Variants in NKAIN2 observed in about 807,000 individuals in gnomAD.
The protein encoded by NKAIN2 is sodium/potassium-transporting ATPase subunit beta-1-interacting protein 2.
A neutral mutation model predicts 32.6 loss-of-function variants in NKAIN2; 14 were observed. That is an observed-to-expected ratio of 0.43 (90% CI 0.28 to 0.67). NKAIN2 has a LOEUF of 0.67. Among genes scored for constraint, NKAIN2 ranks in the 30% least tolerant of loss-of-function variants. The pLI is 0.17. For missense variants in NKAIN2, 198 were observed against 258.3 expected (o/e 0.77, Z 1.60); for synonymous variants, 80 against 87.2 (o/e 0.92, Z 0.46).
chr6:123,915,415 A>T (rs1000578971), intron 1 of NKAIN2, among the ~76,000 whole-genome samples: 2 of 151,338 alleles, frequency 1.3e-5, no homozygotes, highest in Non-Finnish European at 1.5e-5. Context: ...TTACCACCCA[A>T]CTCCCTTTCT....
intron 4 of NKAIN2, among the ~76,000 whole-genome samples, chr6:124,687,075 G>A (rs1362693464): frequency 2.6e-5 from 4 of 151,560 alleles, no homozygotes; most frequent in Non-Finnish European, 5.9e-5. Context: ...CCTCAAGCAT[G>A]CAGACAGCCT....
At chr6:124,173,939 A>G (rs2114512928) in intron 1 of NKAIN2, among the ~76,000 whole-genome samples, 1 of 152,238 alleles carries the variant, frequency 6.6e-6, no homozygotes, top group African/African-American at 2.4e-5. Context: ...TGGAAAATAA[A>G]GGATTAAAAT....
At chr6:123,814,442 A>C (rs1257868776) in intron 1 of NKAIN2, among the ~76,000 whole-genome samples, 1 of 152,216 alleles carries the variant, frequency 6.6e-6, no homozygotes, top group African/African-American at 2.4e-5. Context: ...AAATCAGGCA[A>C]ATAGGGTAAG....
At position 124,791,398 on chromosome 6, in the gene NKAIN2, C is replaced by A; in HGVS notation, c.534C>A (p.Ser178Arg). The change falls in exon 5 of 7, where the codon AGC becomes AGA. Residue 178 changes from serine (S) to arginine (R), a missense_variant and splice_region_variant. Ser to Arg is a moderately radical substitution (Grantham distance 110). Transcript: ENST00000368417. ...AATGTATAACTGAAGAAGAGGACAG[C>A]TGTAAGTATTAAAGCTCTATTCTGT... ...VVKCITEEED[S>R]FDFIGGFDSY... 1 of 1,599,004 alleles carries A rather than the reference C, an allele frequency of 6.3e-7. No individual in the cohort carries two copies. The highest frequency in any genetic ancestry group is 8.6e-7 in the Non-Finnish European group (1 of 1,167,546).
At chr6:124,805,499 C>T (rs1780502944) in intron 5 of NKAIN2, among the ~76,000 whole-genome samples, 1 of 152,088 alleles carries the variant, frequency 6.6e-6, no homozygotes, top group Non-Finnish European at 1.5e-5. Flanking sequence ...TGTACATCAC[C>T]ATCATCAAAG....
At chr6:124,662,171 T>C (rs1784769884) in intron 4 of NKAIN2, among the ~76,000 whole-genome samples, 2 of 152,214 alleles carry the variant, frequency 1.3e-5, no homozygotes, top group African/African-American at 2.4e-5. Context: ...TGATTAGCTA[T>C]GTCTGCCACA....
At chr6:123,920,888 G>A (rs1484406438) in intron 1 of NKAIN2, among the ~76,000 whole-genome samples, 2 of 152,238 alleles carry the variant, frequency 1.3e-5, no homozygotes, top group Non-Finnish European at 2.9e-5. Flanking sequence ...ACAAGAATAC[G>A]TGCATACAGA....
At chr6:123,890,245 A>T (rs189347145) in intron 1 of NKAIN2, among the ~76,000 whole-genome samples, 1 of 151,756 alleles carries the variant, frequency 6.6e-6, no homozygotes, top group East Asian at 2.0e-4. Flanking sequence ...CTTCCCTGTC[A>T]TCTTTGGAGT....
At position 123,964,660 on chromosome 6, in the gene NKAIN2, G is replaced by A. The variant is rs570094679; in HGVS notation, c.54+160406G>A. ...TAAGAGAAAATGTCAAACGGTTTTG[G>A]AGTGTTGCCCAGCCACTTTCCTGTA... is the stretch of plus-strand genomic sequence containing the variant. On this transcript the variant is annotated intron_variant, in intron 1 of 6. Coordinates refer to ENST00000368417, the MANE Select transcript of NKAIN2 (RefSeq NM_001040214.3). The surrounding 1 kb of genome is among the most constrained non-coding windows in gnomAD (Gnocchi z 4.0). Among the ~76,000 whole-genome samples, 1 of 152,246 alleles carries A rather than the reference G, an allele frequency of 6.6e-6. No individual in the cohort carries two copies. Among genetic ancestry groups the A allele is most frequent in the Admixed American group, 6.5e-5 (1 of 15,274 alleles).
At chr6:124,708,635 T>A (rs1775241346) in intron 4 of NKAIN2, among the ~76,000 whole-genome samples, 1 of 151,498 alleles carries the variant, frequency 6.6e-6, no homozygotes, top group South Asian at 2.1e-4. Flanking sequence ...ATGATTTGGC[T>A]CTCTGTCTGT....
At chr6:124,500,038 T>G (rs1313242702) in intron 3 of NKAIN2, among the ~76,000 whole-genome samples, 1 of 152,220 alleles carries the variant, frequency 6.6e-6, no homozygotes, top group Non-Finnish European at 1.5e-5. Context: ...ATGTTTCACT[T>G]TTTAAAGGGT....
intron 2 of NKAIN2, among the ~76,000 whole-genome samples, chr6:124,331,443 G>T (rs1395496883): frequency 6.7e-6 from 1 of 148,360 alleles, no homozygotes; most frequent in Non-Finnish European, 1.5e-5. Flanking sequence ...GCAGGAGAAT[G>T]GCGTGAACCT....
chr6:124,808,215 C>T (rs9388379), intron 5 of NKAIN2, among the ~76,000 whole-genome samples: 26,871 of 149,778 alleles, frequency 0.18, 2,734 homozygotes, highest in East Asian at 0.55. Context: ...CCTTGATGAA[C>T]ATTGATGCAA....
intron 3 of NKAIN2, among the ~76,000 whole-genome samples, chr6:124,397,434 C>T (rs1773428929): frequency 1.3e-5 from 2 of 152,020 alleles, no homozygotes; most frequent in South Asian, 4.2e-4. Flanking sequence ...CAATTGTGTA[C>T]ATTCACTGTG....
At chr6:123,871,349 AT>A (rs1772864530) in intron 1 of NKAIN2, among the ~76,000 whole-genome samples, 1 of 152,180 alleles carries the variant, frequency 6.6e-6, no homozygotes, top group African/African-American at 2.4e-5. Flanking sequence ...TCGCTGAAAT[AT>A]GTTCCAACTT....
chr6:124,117,477 G>A (rs17630088), intron 1 of NKAIN2, among the ~76,000 whole-genome samples: 2,897 of 152,128 alleles, frequency 0.019, 31 homozygotes, highest in Non-Finnish European at 0.027. Flanking sequence ...TAGTTGCATC[G>A]GTATAATTCC....
At chr6:124,321,648 G>A (rs948395370) in intron 2 of NKAIN2, among the ~76,000 whole-genome samples, 5 of 152,036 alleles carry the variant, frequency 3.3e-5, no homozygotes, top group African/African-American at 9.7e-5. Context: ...ATCCAGTGAA[G>A]AGCCAGGATA....
intron 1 of NKAIN2, among the ~76,000 whole-genome samples, chr6:124,140,766 A>G (rs1373612881): frequency 6.6e-6 from 1 of 152,170 alleles, no homozygotes; most frequent in Non-Finnish European, 1.5e-5. Context: ...AAAAAATTTT[A>G]ATTACTAAAA....
chr6:124,576,154 C>A (rs575586852), intron 3 of NKAIN2, among the ~76,000 whole-genome samples: 1 of 152,088 alleles, frequency 6.6e-6, no homozygotes, highest in African/African-American at 2.4e-5. Flanking sequence ...TTTATGATTT[C>A]GAGTGACAAA....
Sources: allele counts gnomAD v4.1 joint callset (sites outside exome capture counted in the v4.1 genomes callset), GRCh38; gene constraint gnomAD v4.1.1; non-coding constraint Gnocchi (gnomAD v3.1); transcripts MANE v1.5; gene names NCBI Gene and HGNC (gene_info 2026-07-23, HGNC 2026-07-21).